MACROD2: variants seen among roughly 807,000 people sequenced by gnomAD.
MACROD2 encodes ADP-ribose glycohydrolase MACROD2.
MACROD2 carries 36 observed loss-of-function variants against 70.4 expected under a neutral mutation model. The observed-to-expected ratio is 0.51, with a 90% CI of 0.39 to 0.68. The LOEUF is 0.68. Ranked by LOEUF, MACROD2 falls within the 30% of genes least tolerant of loss-of-function variation. MACROD2 has a pLI of 0.00. For missense variants in MACROD2, 496 were observed against 538.4 expected (o/e 0.92, Z 0.78); for synonymous variants, 172 against 178.8 (o/e 0.96, Z 0.30).
intron 4 of MACROD2, among the ~76,000 whole-genome samples, chr20:14,573,659 T>C (rs1453423998): frequency 2.0e-5 from 3 of 152,154 alleles, no homozygotes; most frequent in Admixed American, 2.0e-4. Flanking sequence ...TCCTGGGTCC[T>C]AGAGAGAATA....
chr20:14,591,813 A>G (rs1326343680), intron 4 of MACROD2, among the ~76,000 whole-genome samples: 7 of 152,228 alleles, frequency 4.6e-5, no homozygotes, highest in Non-Finnish European at 8.8e-5. Context: ...ATTGAAAGCC[A>G]ACCATATACC....
chr20:16,015,980 G>C (rs1397362081), intron 15 of MACROD2, among the ~76,000 whole-genome samples: 3 of 152,016 alleles, frequency 2.0e-5, no homozygotes, highest in Non-Finnish European at 4.4e-5. Context: ...GGAACTTATA[G>C]ATTATCCTGT....
intron 3 of MACROD2, among the ~76,000 whole-genome samples, chr20:14,281,544 A>AT (rs1394261421): frequency 6.6e-6 from 1 of 152,060 alleles, no homozygotes; most frequent in Non-Finnish European, 1.5e-5. Flanking sequence ...TGAATTGTAT[A>AT]TTTTTTACTT....
intron 5 of MACROD2, among the ~76,000 whole-genome samples, chr20:14,808,469 A>C (rs1051169433): frequency 2.6e-4 from 40 of 152,224 alleles, no homozygotes; most frequent in African/African-American, 9.6e-4. Context: ...AGTACCAGCC[A>C]CTGCAAAAAC....
chr20:14,647,791 A>G (rs776621419), intron 4 of MACROD2, among the ~76,000 whole-genome samples: 1 of 152,146 alleles, frequency 6.6e-6, no homozygotes, highest in African/African-American at 2.4e-5. Flanking sequence ...GGAACTTCCC[A>G]TGATTCAGGC....
chr20:14,435,761 C>CAGT (rs2122942465), intron 3 of MACROD2, among the ~76,000 whole-genome samples: 1 of 151,552 alleles, frequency 6.6e-6, no homozygotes, highest in African/African-American at 2.4e-5. Flanking sequence ...GGCTGGAGTG[C>CAGT]AGTGGTATGA....
chr20:14,925,604 T>G (rs915246757), intron 5 of MACROD2, among the ~76,000 whole-genome samples: 6 of 152,168 alleles, frequency 3.9e-5, no homozygotes, highest in Non-Finnish European at 8.8e-5. Flanking sequence ...ACTTCTAAAG[T>G]TCTCTGCATA....
At chr20:15,760,828 C>T (rs561913324) in intron 8 of MACROD2, among the ~76,000 whole-genome samples, 1 of 151,856 alleles carries the variant, frequency 6.6e-6, no homozygotes, top group South Asian at 2.1e-4. Flanking sequence ...TTCAATAAAA[C>T]AAAAATTAGG....
intron 8 of MACROD2, among the ~76,000 whole-genome samples, chr20:15,701,349 C>G (rs1455445018): frequency 1.3e-5 from 2 of 152,164 alleles, no homozygotes; most frequent in African/African-American, 4.8e-5. Context: ...TACATTCTAA[C>G]AGGGCACTAA....
intron 8 of MACROD2, among the ~76,000 whole-genome samples, chr20:15,529,670 C>T (rs1057046388): frequency 6.6e-6 from 1 of 152,032 alleles, no homozygotes; most frequent in African/African-American, 2.4e-5. Flanking sequence ...GTAATAGTTA[C>T]GTATATGTTG....
At chr20:14,654,733 A>G (rs1985878691) in intron 4 of MACROD2, among the ~76,000 whole-genome samples, 1 of 152,186 alleles carries the variant, frequency 6.6e-6, no homozygotes, top group Admixed American at 6.5e-5. Context: ...TTAAATGTGT[A>G]GGTAAGAAAG....
chr20:14,530,411 A>G (rs2085288558), intron 4 of MACROD2, among the ~76,000 whole-genome samples: 1 of 152,216 alleles, frequency 6.6e-6, no homozygotes, highest in South Asian at 2.1e-4. Context: ...AAGAAGGGAA[A>G]GAAGCACTTT....
intron 5 of MACROD2, among the ~76,000 whole-genome samples, chr20:14,688,650 T>TA (rs925412248): frequency 1.3e-5 from 2 of 152,198 alleles, no homozygotes; most frequent in Admixed American, 6.5e-5. Flanking sequence ...TCTACAATAT[T>TA]AGATATTTTT....
At chr20:14,104,102 C>A (rs2054337043) in intron 3 of MACROD2, among the ~76,000 whole-genome samples, 1 of 152,126 alleles carries the variant, frequency 6.6e-6, no homozygotes, top group South Asian at 2.1e-4. Context: ...ATTTATATCT[C>A]AAGGTGTAAG....
In MACROD2 at chr20:14,002,354, A is replaced by G. The variant is rs1453416942; in HGVS notation, c.113A>G (p.Asn38Ser). 6 of 1,610,850 alleles carry G rather than the reference A, an allele frequency of 3.7e-6. No individual in the cohort carries two copies. The highest frequency in any genetic ancestry group is 3.3e-5 in the South Asian group (3 of 90,436). Residue 38 changes from asparagine to serine, a missense_variant, in exon 2 of 18, where the codon AAC becomes AGC. Physicochemically the swap from Asn to Ser is conservative, Grantham distance 46. Transcript: ENST00000684519. ...KEYLRDYIPL[N>S]SILSWKEEMK... ...TACCTAAGAGACTATATTCCCCTGA[A>G]CAGCATTCTATCATGGAAGGAGGAG...
intron 3 of MACROD2, among the ~76,000 whole-genome samples, chr20:14,231,861 G>T (rs943211904): frequency 2.9e-4 from 44 of 152,278 alleles, no homozygotes; most frequent in Middle Eastern, 3.4e-3. Flanking sequence ...ATCTCATTGT[G>T]GTTTTGATTT....
intron 5 of MACROD2, among the ~76,000 whole-genome samples, chr20:14,688,694 T>C (rs2071030019): frequency 6.6e-6 from 1 of 152,192 alleles, no homozygotes; most frequent in Non-Finnish European, 1.5e-5. Flanking sequence ...TTTATAGATT[T>C]TTAGAAGCTT....
chr20:14,596,484 G>A (rs1982154944), intron 4 of MACROD2, among the ~76,000 whole-genome samples: 1 of 149,516 alleles, frequency 6.7e-6, no homozygotes, highest in African/African-American at 2.5e-5. Flanking sequence ...ATATTTTTGA[G>A]GACTAATTTT....
intron 5 of MACROD2, among the ~76,000 whole-genome samples, chr20:14,788,314 G>A (rs185382564): frequency 5.3e-5 from 8 of 152,150 alleles, no homozygotes; most frequent in African/African-American, 1.9e-4. Context: ...GCCCGGTGCG[G>A]TGGCTCACAC....
Sources: allele counts gnomAD v4.1 joint callset (sites outside exome capture counted in the v4.1 genomes callset), GRCh38; gene constraint gnomAD v4.1.1; transcripts MANE v1.5; gene names NCBI Gene and HGNC (gene_info 2026-07-23, HGNC 2026-07-21).